Variants in MED13L observed in about 807,000 individuals in gnomAD.
The protein encoded by MED13L is mediator of RNA polymerase II transcription subunit 13-like.
In MED13L, 7 loss-of-function variants were observed where a neutral mutation model predicts 220.9. That is an observed-to-expected ratio of 0.03 (90% confidence interval 0.02 to 0.06). MED13L has a LOEUF of 0.06. Ranked by LOEUF, MED13L falls within the 10% of genes least tolerant of loss-of-function variation. MED13L has a pLI of 1.00. For synonymous variants in MED13L, 1,011 were observed against 1,015.2 expected (o/e 1.00, Z 0.08); for missense variants, 1,965 against 2,760.5 (o/e 0.71, Z 6.46).
chr12:116,139,969 T>TCAAAA (rs1163998338), intron 2 of MED13L, among the ~76,000 whole-genome samples: 1 of 40,224 alleles, frequency 2.5e-5, no homozygotes, highest in Admixed American at 2.9e-4. Flanking sequence ...AAACTCCATC[T>TCAAAA]CAAAAAAAAA....
chr12:116,072,369 G>A (rs1870444166), intron 4 of MED13L, among the ~76,000 whole-genome samples: 1 of 152,228 alleles, frequency 6.6e-6, no homozygotes, highest in African/African-American at 2.4e-5. Context: ...TGCCTGCTAT[G>A]TGCTGTGTAT....
chr12:115,987,692 TG>T (rs969948224), intron 17 of MED13L, among the ~76,000 whole-genome samples: 7 of 152,140 alleles, frequency 4.6e-5, no homozygotes, highest in African/African-American at 1.7e-4. Flanking sequence ...TAGGAAAAAA[TG>T]GAACTTAAAT....
At chr12:116,217,878 C>G (rs1220507522) in intron 2 of MED13L, among the ~76,000 whole-genome samples, 1 of 152,058 alleles carries the variant, frequency 6.6e-6, no homozygotes, top group Admixed American at 6.5e-5. Flanking sequence ...AGAATTATAC[C>G]AAAATAAGGT....
chr12:116,015,052 T>G, intron 8 of MED13L, 57 bp downstream of exon 8: 1 of 1,536,588 alleles, frequency 6.5e-7, no homozygotes. Flanking sequence ...ATTTTCCAGG[T>G]AGCAATCAAG....
At position 116,008,531 on chromosome 12, in the gene MED13L, A is replaced by T; in HGVS notation, c.1882T>A (p.Ser628Thr). The change falls in exon 10 of 31, where the codon TCA becomes ACA. Residue 628 changes from serine to threonine, a missense_variant. Physicochemically the swap from Ser to Thr is moderately conservative, Grantham distance 58. Around this residue, in one of 10 missense-constraint regions of MED13L, gnomAD observed 818 missense variants for 1,041.2 expected, o/e 0.79. Coordinates refer to ENST00000281928, the MANE Select transcript of MED13L (RefSeq NM_015335.5). ...TAACTATGCCACCACTTTTCTGATG[A>T]CTCCGGGTTCGAGGGCCTAATCCCA... ...YCGIRPSNPE[S>T]SEKWWHSYRL... The T allele has an allele frequency of 1.9e-6, 3 of 1,613,574 alleles. No homozygotes were observed. The highest frequency in any genetic ancestry group is 2.5e-6 in the Non-Finnish European group (3 of 1,179,900).
chr12:116,208,546 C>T (rs1489356179), intron 2 of MED13L, among the ~76,000 whole-genome samples: 1 of 152,246 alleles, frequency 6.6e-6, no homozygotes, highest in African/African-American at 2.4e-5. Context: ...GTAGATACAT[C>T]TCCCTGAAAA....
chr12:116,079,923 C>T (rs1871109713), intron 4 of MED13L, among the ~76,000 whole-genome samples: 1 of 152,034 alleles, frequency 6.6e-6, no homozygotes. Context: ...TAAGCTATAC[C>T]AAGCTTGTCC....
At chr12:116,201,935 A>T (rs1368243720) in intron 2 of MED13L, among the ~76,000 whole-genome samples, 1 of 152,260 alleles carries the variant, frequency 6.6e-6, no homozygotes, top group African/African-American at 2.4e-5. Context: ...TTATGGCATT[A>T]AAGAAATATG....
intron 24 of MED13L, 29 bp downstream of exon 24, chr12:115,975,486 C>A (rs1442601519): frequency 1.2e-6 from 2 of 1,604,614 alleles, no homozygotes; most frequent in Non-Finnish European, 8.5e-7. Context: ...CATTAATTTA[C>A]ATGCACCATA....
intron 3 of MED13L, among the ~76,000 whole-genome samples, chr12:116,099,600 A>T (rs1328642463): frequency 6.6e-6 from 1 of 152,258 alleles, no homozygotes; most frequent in African/African-American, 2.4e-5. Context: ...AGAGAGTATA[A>T]TATGAAATAA....
At chr12:116,048,406 G>A (rs1881963635) in intron 4 of MED13L, among the ~76,000 whole-genome samples, 1 of 152,170 alleles carries the variant, frequency 6.6e-6, no homozygotes. Context: ...TCAAGGAAGA[G>A]CCAGGGTAAT....
At position 116,178,403 on chromosome 12, in the gene MED13L, TTTGAA is replaced by T. The variant is rs1166257091; in HGVS notation, c.310+59060_310+59064del. 2.0e-5 allele frequency among the ~76,000 whole-genome samples: 3 copies of T among 152,350 alleles called. No homozygotes were observed. In the East Asian group the frequency reaches 5.8e-4, roughly 29 times the overall value. On this transcript the variant is annotated intron_variant, in intron 2 of 30. Coordinates refer to ENST00000281928, the MANE Select transcript of MED13L (RefSeq NM_015335.5). ...TAAGGACTTGCGGAGCAAACTCTTC[TTTGAA>T]TTGAACTGCAAAGCTATGTACCAGA...
intron 4 of MED13L, among the ~76,000 whole-genome samples, chr12:116,070,642 C>T (rs538714184): frequency 6.6e-6 from 1 of 152,280 alleles, no homozygotes; most frequent in East Asian, 1.9e-4. Flanking sequence ...TGATAAACCA[C>T]ACAGTGCCCA....
rs193069480 is a variant in MED13L at position 116,161,570 on chromosome 12, G to T, written c.311-50058C>A. Among the ~76,000 whole-genome samples, 182 of 152,210 alleles carry T rather than the reference G, an allele frequency of 1.2e-3. 4 individuals are homozygous for T. The highest frequency in any genetic ancestry group is 0.011 in the Admixed American group (171 of 15,266). On this transcript the variant is annotated intron_variant, in intron 2 of 30. Coordinates refer to ENST00000281928, the MANE Select transcript of MED13L (RefSeq NM_015335.5). ...AGACCCTGAGGATTAATGATGAATA[G>T]AACAAGGCCTCTCCCCGTCAAAGTG...
chr12:116,230,701 C>A (rs1315982791), intron 2 of MED13L, among the ~76,000 whole-genome samples: 1 of 152,016 alleles, frequency 6.6e-6, no homozygotes, highest in Admixed American at 6.6e-5. Flanking sequence ...TTCAAAATGA[C>A]AAGAGATAAT....
rs79654599 is a variant in MED13L at position 116,149,548 on chromosome 12, T to G, written c.311-38036A>C. Among the ~76,000 whole-genome samples the G allele has an allele frequency of 2.2e-3, 341 of 152,346 alleles. 1 individual carries two copies. The highest frequency in any genetic ancestry group is 7.9e-3 in the African/African-American group (327 of 41,588). On this transcript the variant is annotated intron_variant, in intron 2 of 30. Coordinates refer to ENST00000281928, the MANE Select transcript of MED13L (RefSeq NM_015335.5). Reference sequence around the variant, plus strand: ...AGGCTATGCCCAAAAAGTCAAATGATTACTAACAAGCAAGTTACTTAAAAA... The same window carrying G: ...AGGCTATGCCCAAAAAGTCAAATGAGTACTAACAAGCAAGTTACTTAAAAA...
chr12:116,174,032 T>G (rs992235673), intron 2 of MED13L, among the ~76,000 whole-genome samples: 3 of 152,162 alleles, frequency 2.0e-5, no homozygotes, highest in Non-Finnish European at 4.4e-5. Context: ...AGTCCAAGGC[T>G]GCAATGAGCT....
At chr12:116,077,688 T>C (rs1457872403) in intron 4 of MED13L, among the ~76,000 whole-genome samples, 2 of 152,158 alleles carry the variant, frequency 1.3e-5, no homozygotes, top group African/African-American at 4.8e-5. Flanking sequence ...GAAGAAAAAC[T>C]GGGTGGCCAG....
At chr12:115,972,423 C>T in intron 25 of MED13L, 187 bp from the exon 26 acceptor site, 1 of 658,528 alleles carries the variant, frequency 1.5e-6, no homozygotes, top group Non-Finnish European at 2.6e-6. Flanking sequence ...ACTTCATTAA[C>T]AAAGGAACAA....
Sources: allele counts gnomAD v4.1 joint callset (sites outside exome capture counted in the v4.1 genomes callset), GRCh38; gene constraint gnomAD v4.1.1; regional missense constraint gnomAD v4.1.1; transcripts MANE v1.5; gene names NCBI Gene and HGNC (gene_info 2026-07-23, HGNC 2026-07-21).